PLIN3: variants seen among roughly 807,000 people sequenced by gnomAD.
The protein encoded by PLIN3 is perilipin 3.
Under a neutral mutation model 35.9 loss-of-function variants are expected in PLIN3, and 30 were observed. The observed-to-expected ratio is 0.84, with a 90% confidence interval of 0.62 to 1.13. PLIN3 has a LOEUF of 1.13. Ranked by LOEUF, PLIN3 falls within the 50% of genes most tolerant of loss-of-function variation. The probability of loss-of-function intolerance (pLI) is 0.00; values close to 1 mark genes in which losing one functional copy is unlikely to be tolerated. For missense variants in PLIN3, 603 were observed against 596.9 expected (o/e 1.01, Z -0.11); for synonymous variants, 261 against 262.5 (o/e 0.99, Z 0.06).
intron 2 of PLIN3, among the ~76,000 whole-genome samples, chr19:4,861,101 G>A (rs541749503): frequency 6.6e-6 from 1 of 152,276 alleles, no homozygotes; most frequent in South Asian, 2.1e-4. Context: ...AGGGCAGGTA[G>A]TTTCAGACAG....
Position 4,839,482 on chromosome 19 carries a change from C to G in PLIN3, c.1015G>C (p.Ala339Pro), listed in dbSNP as rs1174565551. 6.4e-7 allele frequency: 1 copy of G among 1,552,712 alleles called. No homozygotes were observed. Among genetic ancestry groups the G allele is most frequent in the Non-Finnish European group, 8.7e-7 (1 of 1,144,300 alleles). The stretch of plus-strand genomic sequence containing the variant: ...CTGGACCCCAGGGAGGTACAGGTGG[C>G]CTGCAGTTGCTGGGCAATGTCCCGG... ...MFRDIAQQLQ[A>P]TCTSLGSSIQ... Residue 339 changes from alanine to proline, a missense_variant, in exon 8 of 8, where the codon GCC becomes CCC. Coordinates refer to ENST00000221957, the MANE Select transcript of PLIN3 (RefSeq NM_005817.5).
At chr19:4,842,706 G>A (rs900132637) in intron 7 of PLIN3, among the ~76,000 whole-genome samples, 4 of 151,696 alleles carry the variant, frequency 2.6e-5, no homozygotes, top group African/African-American at 9.7e-5. Context: ...ACGGGAGAGT[G>A]CCCACGTGAG....
At position 4,838,536 on chromosome 19, in the gene PLIN3, T is replaced by C. The variant is rs1240550185; in HGVS notation, c.*656A>G. On this transcript the variant is annotated 3_prime_UTR_variant, in exon 8 of 8. Coordinates refer to ENST00000221957, the MANE Select transcript of PLIN3 (RefSeq NM_005817.5). ...ACAGGCTGATATTCAGGGACATCGG[T>C]GTAAACAAAGAAGTGGGATATGAAC... The C allele has an allele frequency of 6.6e-6, 1 of 152,126 alleles. No homozygotes were observed. Among genetic ancestry groups the C allele is most frequent in the Non-Finnish European group, 1.5e-5 (1 of 68,010 alleles). 9.4% of individuals were successfully genotyped at this position (152,126 alleles called of 1,614,324 possible). A position where few individuals can be genotyped will look rare whatever the true frequency, so the allele number is the denominator to read the frequency against.
Position 4,844,783 on chromosome 19 carries a change from A to C in PLIN3, c.845T>G (p.Val282Gly). 2 of 1,598,992 alleles carry C rather than the reference A, an allele frequency of 1.3e-6. No homozygotes were observed. Among genetic ancestry groups the C allele is most frequent in the Non-Finnish European group, 1.7e-6 (2 of 1,172,970 alleles). The change falls in exon 7 of 8, where the codon GTC becomes GGC. Residue 282 changes from valine (V) to glycine (G), a missense_variant. Val to Gly is a moderately radical substitution (Grantham distance 109, BLOSUM62 -3). Coordinates refer to ENST00000221957, the MANE Select transcript of PLIN3 (RefSeq NM_005817.5). The stretch of plus-strand genomic sequence containing the variant: ...CAGCTTCTGATCAACGCCTTGCTTG[A>C]CAGTTTCCATCTGGGGCAGGGGAGA... The part of the protein sequence containing the change: ...LSQVLSLMET[V>G]KQGVDQKLVE...
intron 7 of PLIN3, among the ~76,000 whole-genome samples, chr19:4,842,088 C>T (rs114158074): frequency 0.02 from 3,032 of 151,678 alleles, 101 homozygotes; most frequent in African/African-American, 0.069. Flanking sequence ...AGACAGGGTT[C>T]GAGACCAGCC....
chr19:4,840,661 C>CTTTT (rs1430693908), intron 7 of PLIN3, among the ~76,000 whole-genome samples: 4 of 152,128 alleles, frequency 2.6e-5, no homozygotes, highest in Non-Finnish European at 5.9e-5. Context: ...CAAATCAAAA[C>CTTTT]CATAAGGAGG....
rs868523082 is a variant in PLIN3 at position 4,839,607 on chromosome 19, G to A, written c.961-71C>T. 13 of 1,212,552 alleles carry A rather than the reference G, an allele frequency of 1.1e-5. 1 individual carries two copies. In the Middle Eastern group the frequency reaches 2.6e-3, roughly 245 times the overall value. The allele number at this position is 1,212,552 out of a possible 1,614,324, so 75.1% of individuals were successfully genotyped here. ...AAAGGCGATCGGAGCTGAAGCCAGG[G>A]AAAGAGGGGAAGAGGGGTTCTACCA... On this transcript the variant is annotated intron_variant, in intron 7 of 7. Transcript: ENST00000221957.
intron 6 of PLIN3, among the ~76,000 whole-genome samples, chr19:4,845,556 G>C (rs1401339277): frequency 6.6e-6 from 1 of 152,066 alleles, no homozygotes; most frequent in East Asian, 1.9e-4. Flanking sequence ...GATCAGTTGA[G>C]CTCAGTAGCT....
At chr19:4,851,784 G>A (rs1047009591) in intron 5 of PLIN3, among the ~76,000 whole-genome samples, 1 of 152,020 alleles carries the variant, frequency 6.6e-6, no homozygotes, top group South Asian at 2.1e-4. Flanking sequence ...GACTCAGGTG[G>A]TCACAGGCGC....
rs182892192 is a variant in PLIN3, at chr19:4,861,464, G to T, written c.-17-53C>A. 2.4e-5 allele frequency: 31 copies of T among 1,306,534 alleles called. No individual in the cohort carries two copies. The Admixed American group carries it at 4.9e-4, about 21-fold the overall frequency. 80.9% of individuals were successfully genotyped at this position (1,306,534 alleles called of 1,614,324 possible). ...GCCTGCCTGGCCCCACCTTCCAGGAGAAAGTCCAGGCCCACGCTGCAGCTG... is the reference window on the plus strand; with the variant it reads ...GCCTGCCTGGCCCCACCTTCCAGGATAAAGTCCAGGCCCACGCTGCAGCTG... On this transcript the variant is annotated intron_variant, in intron 1 of 7. Coordinates refer to ENST00000221957, the MANE Select transcript of PLIN3 (RefSeq NM_005817.5).
chr19:4,859,379 G>A (rs1392163933), intron 4 of PLIN3, among the ~76,000 whole-genome samples: 2 of 152,110 alleles, frequency 1.3e-5, no homozygotes. Context: ...AAAACTAGAT[G>A]GGCATGGTTG....
intron 1 of PLIN3, among the ~76,000 whole-genome samples, chr19:4,863,575 T>C (rs1442242153): frequency 6.6e-6 from 1 of 150,998 alleles, no homozygotes; most frequent in Non-Finnish European, 1.5e-5. Context: ...TCCCAGCACT[T>C]TGGGAGGCCG....
chr19:4,860,466 G>A (rs1047617995), intron 2 of PLIN3, among the ~76,000 whole-genome samples: 4 of 151,882 alleles, frequency 2.6e-5, no homozygotes, highest in Admixed American at 2.6e-4. Context: ...GCCTCCCAAA[G>A]TGCTGGGATT....
At position 4,839,495 on chromosome 19, in the gene PLIN3, G is replaced by C. The variant is rs367963807; in HGVS notation, c.1002C>G (p.Ala334=). 2.6e-6 allele frequency: 4 copies of C among 1,546,678 alleles called. No individual in the cohort carries two copies. The highest frequency in any genetic ancestry group is 3.5e-6 in the Non-Finnish European group (4 of 1,141,512). The stretch of plus-strand genomic sequence containing the variant: ...AGGTACAGGTGGCCTGCAGTTGCTG[G>C]GCAATGTCCCGGAACATGGTGAGCG... The part of the protein sequence containing the change: ...SRALTMFRDI[A]QQLQATCTSL... The change falls in exon 8 of 8, where the codon GCC becomes GCG. Residue 334 remains alanine, a synonymous_variant. Coordinates refer to ENST00000221957, the MANE Select transcript of PLIN3 (RefSeq NM_005817.5).
rs533248118 is a variant in PLIN3, at chr19:4,842,299, G to A, written c.960+2369C>T. Among the ~76,000 whole-genome samples the A allele has an allele frequency of 1.2e-4, 19 of 152,060 alleles. 1 individual carries two copies. The highest frequency in any genetic ancestry group is 3.6e-4 in the African/African-American group (15 of 41,490). On this transcript the variant is annotated intron_variant, in intron 7 of 7. Coordinates refer to ENST00000221957, the MANE Select transcript of PLIN3 (RefSeq NM_005817.5). ...AAAAAATTAGCTGGGTGTGGTTGCA[G>A]GCGCCTGTAATCCCAGCTACTTGGG... is the stretch of plus-strand genomic sequence containing the variant.
rs571783588 is a variant in PLIN3 at position 4,859,984 on chromosome 19, C to G, written c.107G>C (p.Ser36Thr). Reference sequence around the variant, plus strand: ...TGCGGACACCATGTCGCAGGTGGAGCTGATCAGAGGCATGCTGGCCACACG... The same window carrying G: ...TGCGGACACCATGTCGCAGGTGGAGGTGATCAGAGGCATGCTGGCCACACG... ...VDRVASMPLI[S>T]STCDMVSAAY... Residue 36 changes from serine to threonine, a missense_variant, in exon 3 of 8, where the codon AGC becomes ACC. Coordinates refer to ENST00000221957, the MANE Select transcript of PLIN3 (RefSeq NM_005817.5). 1 of 1,614,114 alleles carries G rather than the reference C, an allele frequency of 6.2e-7. No homozygotes were observed. Among genetic ancestry groups the G allele is most frequent in the African/African-American group, 1.3e-5 (1 of 75,044 alleles).
At chr19:4,867,354 C>T (rs997646621) in intron 1 of PLIN3, among the ~76,000 whole-genome samples, 2 of 152,230 alleles carry the variant, frequency 1.3e-5, no homozygotes, top group Non-Finnish European at 2.9e-5. Context: ...AATATCACCC[C>T]TTCTACGGGG....
At position 4,852,293 on chromosome 19, in the gene PLIN3, C is replaced by T. The variant is rs565204616; in HGVS notation, c.357G>A (p.Ala119=). ...TAGACGACACAAGCTCCTTGGTGTCCGCCAGGACCTAGGAGATGCAACAGC... is the reference window on the plus strand; with the variant it reads ...TAGACGACACAAGCTCCTTGGTGTCTGCCAGGACCTAGGAGATGCAACAGC... The part of the protein sequence containing the change: ...ILQQPTEKVL[A]DTKELVSSKV... The change falls in exon 5 of 8, where the codon GCG becomes GCA. Residue 119 remains alanine (A), a synonymous_variant. Coordinates refer to ENST00000221957, the MANE Select transcript of PLIN3 (RefSeq NM_005817.5). 9.4e-5 allele frequency: 151 copies of T among 1,601,936 alleles called. No homozygotes were observed. The highest frequency in any genetic ancestry group is 7.8e-4 in the Admixed American group (47 of 59,992).
rs546987937 is a variant in PLIN3 at position 4,842,881 on chromosome 19, A to G, written c.960+1787T>C. On this transcript the variant is annotated intron_variant, in intron 7 of 7. Transcript: ENST00000221957. The stretch of plus-strand genomic sequence containing the variant: ...ATATCTTTATGCATGTCACTTTTGT[A>G]GCCCTTACTATGTGCTTTTGATATG... 1.1e-4 allele frequency among the ~76,000 whole-genome samples: 17 copies of G among 152,258 alleles called. No homozygotes were observed. In the South Asian group the frequency reaches 3.5e-3, roughly 32 times the overall value.
Sources: gnomAD v4.1 joint callset for allele counts (sites outside exome capture counted in the v4.1 genomes callset) on GRCh38, gnomAD v4.1.1 for gene constraint, MANE v1.5 for transcripts, NCBI Gene and HGNC (gene_info 2026-07-23, HGNC 2026-07-21) for gene names.